The following LCLAT1 variants were observed in gnomAD, a reference collection of about 807,000 sequenced individuals.
LCLAT1 encodes the protein 1-AGP acyltransferase 8.
LCLAT1 carries 11 observed loss-of-function variants against 30.7 expected under a neutral mutation model. The ratio of observed to expected loss-of-function variants is 0.36; its 90% CI spans 0.23 to 0.59. The LOEUF (loss-of-function observed/expected upper bound fraction) is 0.59. Ranked by LOEUF, LCLAT1 falls within the 20% of genes least tolerant of loss-of-function variation. The probability of loss-of-function intolerance (pLI) is 0.77; values close to 1 mark genes in which losing one functional copy is unlikely to be tolerated. For synonymous variants in LCLAT1, 155 were observed against 151.3 expected, an observed-to-expected ratio of 1.02 and a Z score of -0.18; for missense variants, 402 against 458.6, an observed-to-expected ratio of 0.88 and a Z score of 1.13.
intron 1 of LCLAT1, among the ~76,000 whole-genome samples, chr2:30,490,489 C>T (rs1183340334): frequency 1.3e-5 from 2 of 152,086 alleles, no homozygotes; most frequent in East Asian, 3.9e-4. Context: ...CTGCACCTGG[C>T]CCGGGGCTAC....
Position 30,533,191 on chromosome 2 carries a change from A to G in LCLAT1, c.241A>G (p.Ile81Val). 3.7e-6 allele frequency: 6 copies of G among 1,614,086 alleles called. No homozygotes were observed. Among genetic ancestry groups the G allele is most frequent in the Admixed American group, 1.7e-5 (1 of 60,026 alleles). Residue 81 changes from isoleucine (I) to valine (V), a missense_variant, in exon 3 of 6, where the codon ATT (isoleucine) becomes GTT (valine). Coordinates refer to ENST00000379509, the MANE Select transcript of LCLAT1 (RefSeq NM_001002257.3). ...ATTTGTTCCTGGAGAAAGAAGTGTC[A>G]TTATCATGAACCATCGGACAAGAAT... ...DAFVPGERSV[I>V]IMNHRTRMDW...
intron 3 of LCLAT1, among the ~76,000 whole-genome samples, chr2:30,541,751 G>A (rs1185621546): frequency 6.6e-6 from 1 of 152,164 alleles, no homozygotes; most frequent in East Asian, 1.9e-4. Context: ...GTGCCCTTTT[G>A]CACCCAAACC....
intron 1 of LCLAT1, among the ~76,000 whole-genome samples, chr2:30,481,232 G>A (rs1416299031): frequency 6.6e-6 from 1 of 152,194 alleles, no homozygotes; most frequent in East Asian, 1.9e-4. Flanking sequence ...AGCCGTTAAA[G>A]GCTTTTAAAC....
intron 1 of LCLAT1, among the ~76,000 whole-genome samples, chr2:30,493,477 G>C (rs1355275341): frequency 6.6e-6 from 1 of 152,180 alleles, no homozygotes; most frequent in Non-Finnish European, 1.5e-5. Flanking sequence ...TGAAGTCCGG[G>C]AGGAATATTG....
chr2:30,469,681 C>T (rs528081767), intron 1 of LCLAT1, among the ~76,000 whole-genome samples: 5 of 149,136 alleles, frequency 3.4e-5, no homozygotes, highest in African/African-American at 7.5e-5. Context: ...GGGGTTCAAG[C>T]GATTCTTCTG....
chr2:30,513,212 T>G (rs1180905516), intron 1 of LCLAT1, among the ~76,000 whole-genome samples: 1 of 152,042 alleles, frequency 6.6e-6, no homozygotes, highest in Non-Finnish European at 1.5e-5. Flanking sequence ...CTGGAAAATT[T>G]GTTGAATCTA....
intron 1 of LCLAT1, among the ~76,000 whole-genome samples, chr2:30,470,287 T>C (rs936393858): frequency 5.3e-5 from 8 of 152,228 alleles, no homozygotes; most frequent in African/African-American, 1.9e-4. Context: ...GACCACTGGC[T>C]AGTGACTCCT....
chr2:30,616,578 A>C (rs1333300133), intron 5 of LCLAT1, among the ~76,000 whole-genome samples: 1 of 152,218 alleles, frequency 6.6e-6, no homozygotes, highest in Non-Finnish European at 1.5e-5. Context: ...CTTCAGAAAT[A>C]TGTTGATGTA....
intron 1 of LCLAT1, among the ~76,000 whole-genome samples, chr2:30,473,050 A>G (rs1243780986): frequency 1.3e-5 from 2 of 152,192 alleles, no homozygotes; most frequent in Non-Finnish European, 2.9e-5. Context: ...TTTGTGTACC[A>G]TATATCCATG....
chr2:30,554,692 G>C (rs2148428839), intron 3 of LCLAT1, among the ~76,000 whole-genome samples: 1 of 152,236 alleles, frequency 6.6e-6, no homozygotes, highest in Admixed American at 6.5e-5. Flanking sequence ...TACACAATTT[G>C]TTCCTAAAAA....
intron 5 of LCLAT1, among the ~76,000 whole-genome samples, chr2:30,635,668 A>G (rs774493001): frequency 6.6e-6 from 1 of 152,180 alleles, no homozygotes; most frequent in Non-Finnish European, 1.5e-5. Flanking sequence ...CCAAGACTTC[A>G]TAGAACCCAA....
At chr2:30,506,668 A>G (rs932047619) in intron 1 of LCLAT1, among the ~76,000 whole-genome samples, 1 of 152,176 alleles carries the variant, frequency 6.6e-6, no homozygotes, top group Non-Finnish European at 1.5e-5. Flanking sequence ...CATTGGGGGA[A>G]TAAAGAAACA....
At chr2:30,591,298 A>C (rs770522733) in intron 5 of LCLAT1, among the ~76,000 whole-genome samples, 1 of 152,192 alleles carries the variant, frequency 6.6e-6, no homozygotes, top group Non-Finnish European at 1.5e-5. Context: ...TACTGTCAGG[A>C]ACAAATGACT....
intron 1 of LCLAT1, among the ~76,000 whole-genome samples, chr2:30,492,919 T>G (rs1274142520): frequency 6.6e-6 from 1 of 152,222 alleles, no homozygotes; most frequent in East Asian, 1.9e-4. Flanking sequence ...ATTTATACCC[T>G]TATTTTTGGG....
Position 30,521,795 on chromosome 2 carries a change from G to A in LCLAT1, c.-4-3792G>A, listed in dbSNP as rs184746667. 5.4e-4 allele frequency among the ~76,000 whole-genome samples: 82 copies of A among 152,086 alleles called. 1 individual carries two copies. The highest frequency in any genetic ancestry group is 1.8e-3 in the African/African-American group (75 of 41,498). ...GCTGGGATTACAGGCATGAGCCACCGCTGGACCAACCCCCTAAACTTATAT... is the reference window on the plus strand; with the variant it reads ...GCTGGGATTACAGGCATGAGCCACCACTGGACCAACCCCCTAAACTTATAT... On this transcript the variant is annotated intron_variant, in intron 1 of 5. Transcript: ENST00000379509.
At chr2:30,463,082 T>C (rs564429210) in intron 1 of LCLAT1, among the ~76,000 whole-genome samples, 42 of 152,186 alleles carry the variant, frequency 2.8e-4, no homozygotes, top group Middle Eastern at 3.4e-3. Context: ...TTGGGCAACA[T>C]AGCAAGATCC....
intron 5 of LCLAT1, among the ~76,000 whole-genome samples, chr2:30,588,333 C>G (rs1262631845): frequency 1.3e-5 from 2 of 152,214 alleles, no homozygotes; most frequent in Non-Finnish European, 2.9e-5. Context: ...AAACACCTTG[C>G]TCTCCTCTCC....
chr2:30,529,266 T>C (rs1685877490), intron 2 of LCLAT1, among the ~76,000 whole-genome samples: 1 of 152,192 alleles, frequency 6.6e-6, no homozygotes, highest in Non-Finnish European at 1.5e-5. Flanking sequence ...ATTTTTCTTG[T>C]CTTACTATTT....
At chr2:30,600,786 T>C (rs1667145210) in intron 5 of LCLAT1, among the ~76,000 whole-genome samples, 1 of 152,000 alleles carries the variant, frequency 6.6e-6, no homozygotes, top group Non-Finnish European at 1.5e-5. Flanking sequence ...TCATGGAGTA[T>C]CTTACTGGGG....
Sources: gnomAD v4.1 joint callset for allele counts (sites outside exome capture counted in the v4.1 genomes callset) on GRCh38, gnomAD v4.1.1 for gene constraint, MANE v1.5 for transcripts, NCBI Gene and HGNC (gene_info 2026-07-23, HGNC 2026-07-21) for gene names.